Variants in ASH1L observed in about 807,000 individuals in gnomAD.
ASH1L encodes the protein histone-lysine N-methyltransferase ASH1L.
In ASH1L, 23 loss-of-function variants were observed where a neutral mutation model predicts 269.0. That is an observed-to-expected ratio of 0.09 (90% CI 0.06 to 0.12). The LOEUF is 0.12. Ranked by LOEUF, ASH1L falls within the 10% of genes least tolerant of loss-of-function variation. ASH1L has a pLI of 1.00. For synonymous variants in ASH1L, 1,187 were observed against 1,253.5 expected (o/e 0.95, Z 1.12); for missense variants, 2,912 against 3,567.8 (o/e 0.82, Z 4.68).
chr1:155,490,227 G>C (rs561461153), intron 2 of ASH1L, among the ~76,000 whole-genome samples: 1 of 151,952 alleles, frequency 6.6e-6, no homozygotes, highest in African/African-American at 2.4e-5. Flanking sequence ...GCCTCCCAAA[G>C]TGCTGGGATT....
upstream of ASH1L, chr1:155,562,814 T>A: frequency 3.9e-6 from 2 of 511,308 alleles, no homozygotes; most frequent in Non-Finnish European, 3.7e-6. Context: ...CTCCTCCTCC[T>A]CCTCCACCTC....
chr1:155,388,545 A>C (rs1571073738), intron 7 of ASH1L, among the ~76,000 whole-genome samples: 2 of 152,072 alleles, frequency 1.3e-5, no homozygotes, highest in East Asian at 3.9e-4. Context: ...CAAGCAATCC[A>C]ACAGCCTCAG....
At chr1:155,556,617 A>AT (rs1364588400) in intron 1 of ASH1L, among the ~76,000 whole-genome samples, 1 of 151,738 alleles carries the variant, frequency 6.6e-6, no homozygotes, top group Non-Finnish European at 1.5e-5. Flanking sequence ...AATTTTTTAT[A>AT]TTTTTAGTAG....
At chr1:155,459,023 C>G (rs1478063903) in intron 4 of ASH1L, among the ~76,000 whole-genome samples, 1 of 144,692 alleles carries the variant, frequency 6.9e-6, no homozygotes, top group South Asian at 2.2e-4. Context: ...CCCTAAATTT[C>G]TGTATAAATT....
rs540663267 is a variant in ASH1L at position 155,421,430 on chromosome 1, T to C, written c.5829-5507A>G. Reference sequence around the variant, plus strand: ...GCTCACGCCTGTAATTCCAGCACTTTGGGAGGCCGAGGCAGGTGGATCACG... The same window carrying C: ...GCTCACGCCTGTAATTCCAGCACTTCGGGAGGCCGAGGCAGGTGGATCACG... On this transcript the variant is annotated intron_variant, in intron 5 of 27. Coordinates refer to ENST00000392403, the MANE Select transcript of ASH1L (RefSeq NM_018489.3). 9.9e-5 allele frequency among the ~76,000 whole-genome samples: 15 copies of C among 150,846 alleles called. No homozygotes were observed. In the East Asian group the frequency reaches 2.9e-3, roughly 29 times the overall value.
At chr1:155,549,339 T>C (rs1671042139) in intron 1 of ASH1L, among the ~76,000 whole-genome samples, 1 of 151,846 alleles carries the variant, frequency 6.6e-6, no homozygotes, top group African/African-American at 2.4e-5. Flanking sequence ...AGACCCTGTC[T>C]CAAAAAAAAA....
intron 1 of ASH1L, among the ~76,000 whole-genome samples, chr1:155,556,095 A>C (rs533849277): frequency 4.0e-4 from 61 of 152,330 alleles, no homozygotes; most frequent in African/African-American, 1.4e-3. Context: ...CATTAAAGAA[A>C]TAAAAAGCTG....
chr1:155,463,814 TAGAA>T (rs1044744958), intron 3 of ASH1L, among the ~76,000 whole-genome samples: 3 of 151,838 alleles, frequency 2.0e-5, no homozygotes, highest in African/African-American at 7.3e-5. Flanking sequence ...ATAATAATGA[TAGAA>T]AGAAGAGCAG....
chr1:155,521,679 T>G (rs1288770781), intron 1 of ASH1L, 61 bp from the exon 2 acceptor site: 1 of 630,582 alleles, frequency 1.6e-6, no homozygotes, highest in Admixed American at 3.2e-5. Flanking sequence ...TTAACATAAG[T>G]AATGGGTATA....
chr1:155,352,297 CAAAAAAAA>C (rs1281473342), intron 17 of ASH1L, among the ~76,000 whole-genome samples: 1 of 28,120 alleles, frequency 3.6e-5, no homozygotes, highest in African/African-American at 1.2e-4. Context: ...ACCTCCATCT[CAAAAAAAA>C]AAAAAAAAAA....
At chr1:155,381,879 C>T (rs1010064546) in intron 7 of ASH1L, among the ~76,000 whole-genome samples, 6 of 151,164 alleles carry the variant, frequency 4.0e-5, no homozygotes, top group African/African-American at 7.3e-5. Flanking sequence ...GAGTGAGACA[C>T]GGTCTCAAAA....
intron 13 of ASH1L, among the ~76,000 whole-genome samples, 183 bp from the exon 14 acceptor site, chr1:155,357,932 G>C (rs966594359): frequency 2.0e-5 from 3 of 151,942 alleles, no homozygotes; most frequent in Non-Finnish European, 4.4e-5. Flanking sequence ...CACTATGCCA[G>C]GCTAATTTTT....
chr1:155,477,770 C>G (rs1467841281), intron 3 of ASH1L, 116 bp downstream of exon 3: 2 of 971,098 alleles, frequency 2.1e-6, no homozygotes, highest in Non-Finnish European at 2.8e-6. Context: ...TCAAAATACA[C>G]TTATTAAAAA....
At chr1:155,465,309 A>AAAAC (rs1236526587) in intron 3 of ASH1L, among the ~76,000 whole-genome samples, 6 of 151,432 alleles carry the variant, frequency 4.0e-5, no homozygotes, top group African/African-American at 1.5e-4. Context: ...AAAAAAAAAA[A>AAAAC]AAACAGTGAA....
At chr1:155,491,242 A>G (rs930737531) in intron 2 of ASH1L, among the ~76,000 whole-genome samples, 2 of 151,978 alleles carry the variant, frequency 1.3e-5, no homozygotes, top group African/African-American at 4.8e-5. Flanking sequence ...TCTTTCACCT[A>G]CTATTCTTCT....
intron 2 of ASH1L, among the ~76,000 whole-genome samples, chr1:155,500,767 G>C (rs1667448350): frequency 6.6e-6 from 1 of 152,080 alleles, no homozygotes; most frequent in Non-Finnish European, 1.5e-5. Flanking sequence ...CCAGGAGTTT[G>C]ATACCAAACT....
At chr1:155,347,381 T>A (rs1275186922) in intron 20 of ASH1L, among the ~76,000 whole-genome samples, 1 of 151,784 alleles carries the variant, frequency 6.6e-6, no homozygotes, top group Non-Finnish European at 1.5e-5. Flanking sequence ...CACTCCAGTG[T>A]GGATGACAGA....
At chr1:155,401,637 A>C (rs1226812450) in intron 6 of ASH1L, among the ~76,000 whole-genome samples, 1 of 151,272 alleles carries the variant, frequency 6.6e-6, no homozygotes, top group Non-Finnish European at 1.5e-5. Context: ...AAATACAAAA[A>C]ATTAGCCGGG....
In ASH1L at chr1:155,349,379, T is replaced by G; in HGVS notation, c.7502A>C (p.Lys2501Thr). The G allele has an allele frequency of 6.2e-7, 1 of 1,614,172 alleles. No individual in the cohort carries two copies. Among genetic ancestry groups the G allele is most frequent in the Non-Finnish European group, 8.5e-7 (1 of 1,180,016 alleles). ...IEKQILTGYYKTVEAFDADML... is the reference protein window; with the variant it reads ...IEKQILTGYYTTVEAFDADML... ...GTCAGCATCAAAAGCTTCCACTGTC[T>G]TATAGTAACCAGTGAGGATCTGCTT... Residue 2501 changes from lysine to threonine, a missense_variant, in exon 19 of 28, where the codon AAG becomes ACG. Physicochemically the swap from Lys to Thr is moderately conservative, Grantham distance 78. Transcript: ENST00000392403.
Sources: allele counts gnomAD v4.1 joint callset (sites outside exome capture counted in the v4.1 genomes callset), GRCh38; gene constraint gnomAD v4.1.1; transcripts MANE v1.5; gene names NCBI Gene and HGNC (gene_info 2026-07-23, HGNC 2026-07-21).